P2RY14: variants seen among roughly 807,000 people sequenced by gnomAD.
P2RY14 encodes the protein purinergic receptor P2Y14, also known as P2Y purinoceptor 14.
A neutral mutation model predicts 0.9 loss-of-function variants in P2RY14; 2 were observed. The observed-to-expected ratio is 2.16, with a 90% confidence interval of 0.88 to 6.79. P2RY14 has a LOEUF of 6.79. P2RY14 is among the 30% of genes most tolerant of loss of function. P2RY14 has a pLI of 0.05. For synonymous variants in P2RY14, 158 were observed against 147.2 expected, an observed-to-expected ratio of 1.07 and a Z score of -0.53; for missense variants, 378 against 400.1, an observed-to-expected ratio of 0.94 and a Z score of 0.47.
At chr3:151,276,214 C>T (rs1741828100) in intron 1 of P2RY14, among the ~76,000 whole-genome samples, 1 of 152,226 alleles carries the variant, frequency 6.6e-6, no homozygotes, top group Non-Finnish European at 1.5e-5. Flanking sequence ...TGCTGGGCTC[C>T]ACCCCCATTG....
chr3:151,224,394 TACTG>T (rs1306409215), intron 1 of P2RY14, among the ~76,000 whole-genome samples: 1 of 152,218 alleles, frequency 6.6e-6, no homozygotes, highest in Non-Finnish European at 1.5e-5. Context: ...TTTTTAAACT[TACTG>T]AAGCCATTTT....
chr3:151,260,146 G>C (rs1404203863), intron 1 of P2RY14, among the ~76,000 whole-genome samples: 1 of 152,178 alleles, frequency 6.6e-6, no homozygotes, highest in Non-Finnish European at 1.5e-5. Flanking sequence ...TGTTTCAGTT[G>C]TGGAAAGAAT....
rs1727565544 is a variant in P2RY14, at chr3:151,213,549, G to A, written c.768C>T (p.Tyr256=). Residue 256 remains tyrosine, a synonymous_variant, in exon 3 of 3, where the codon TAC becomes TAT. Coordinates refer to ENST00000309170, the MANE Select transcript of P2RY14 (RefSeq NM_014879.4). ...AATGAGCTTCGGTCTGACTCTTTGTGTAGGGGATTCTGGCAATATGGTAAG... is the reference window on the plus strand; with the variant it reads ...AATGAGCTTCGGTCTGACTCTTTGTATAGGGGATTCTGGCAATATGGTAAG... The part of the protein sequence containing the change: ...FVPYHIARIP[Y]TKSQTEAHYS... 1.9e-6 allele frequency: 3 copies of A among 1,614,098 alleles called. No homozygotes were observed. The highest frequency in any genetic ancestry group is 2.7e-5 in the African/African-American group (2 of 74,940).
At chr3:151,238,170 G>A (rs1733322751) in intron 1 of P2RY14, among the ~76,000 whole-genome samples, 1 of 104,096 alleles carries the variant, frequency 9.6e-6, no homozygotes, top group Non-Finnish European at 2.0e-5. Flanking sequence ...TTCTTGAGAT[G>A]GAGTCTCGCT....
Position 151,224,202 on chromosome 3 carries a change from T to A in P2RY14, c.-132-4560A>T, listed in dbSNP as rs116320041. 6.2e-3 allele frequency among the ~76,000 whole-genome samples: 939 copies of A among 152,352 alleles called. 4 individuals carry two copies. Among genetic ancestry groups the A allele is most frequent in the Middle Eastern group, 0.017 (5 of 294 alleles). ...CACTTATGACGTGCATTTTTCTTCC[T>A]CTTCTTTTTTCAGTTCTTATAAAGG... On this transcript the variant is annotated intron_variant, in intron 1 of 2. Transcript: ENST00000309170.
intron 1 of P2RY14, among the ~76,000 whole-genome samples, chr3:151,276,165 T>A (rs190574167): frequency 6.6e-6 from 1 of 152,372 alleles, no homozygotes; most frequent in East Asian, 1.9e-4. Flanking sequence ...CAAAACTGAA[T>A]GTGCAACAGA....
chr3:151,221,783 A>G (rs9838709), intron 1 of P2RY14, among the ~76,000 whole-genome samples: 68,008 of 151,784 alleles, frequency 0.45, 16,769 homozygotes, highest in African/African-American at 0.68. Context: ...CTAGGGCAGT[A>G]TAGAAGGGAA....
At chr3:151,260,183 G>T (rs890306694) in intron 1 of P2RY14, among the ~76,000 whole-genome samples, 8 of 152,110 alleles carry the variant, frequency 5.3e-5, no homozygotes, top group African/African-American at 1.9e-4. Flanking sequence ...AATGGACACG[G>T]TGTTTAAAAA....
At chr3:151,233,887 A>G (rs1732221543) in intron 1 of P2RY14, among the ~76,000 whole-genome samples, 1 of 152,190 alleles carries the variant, frequency 6.6e-6, no homozygotes, top group African/African-American at 2.4e-5. Flanking sequence ...CCCTTTTAAA[A>G]CTAATGATTT....
At chr3:151,247,728 A>T (rs1425765179) in intron 1 of P2RY14, among the ~76,000 whole-genome samples, 15 of 148,654 alleles carry the variant, frequency 1.0e-4, no homozygotes, top group South Asian at 4.4e-4. Flanking sequence ...AACCTGCACA[A>T]TGTGCACATG....
At chr3:151,216,887 T>C (rs193258378) in intron 2 of P2RY14, among the ~76,000 whole-genome samples, 10 of 152,270 alleles carry the variant, frequency 6.6e-5, no homozygotes, top group Admixed American at 2.0e-4. Flanking sequence ...GTTAGATGCA[T>C]TTTGGTTTAA....
chr3:151,233,534 G>C (rs1258631842), intron 1 of P2RY14, among the ~76,000 whole-genome samples: 1 of 152,190 alleles, frequency 6.6e-6, no homozygotes, highest in African/African-American at 2.4e-5. Flanking sequence ...GGGAGTTTGA[G>C]ACCAGCCTGA....
chr3:151,260,407 T>G (rs1577156791), intron 1 of P2RY14, among the ~76,000 whole-genome samples: 1 of 152,148 alleles, frequency 6.6e-6, no homozygotes, highest in Non-Finnish European at 1.5e-5. Context: ...TGGAGTGAGG[T>G]GGCATGATAG....
At position 151,216,482 on chromosome 3, in the gene P2RY14, G is replaced by A. The variant is rs568888828; in HGVS notation, c.-24-2142C>T. 2.6e-5 allele frequency among the ~76,000 whole-genome samples: 4 copies of A among 152,324 alleles called. No individual in the cohort carries two copies. In the East Asian group the frequency reaches 5.8e-4, roughly 22 times the overall value. Reference sequence around the variant, plus strand: ...ATAGTACATCCATGTAAACTTGTGTGCTGCTTCCTACACAAGAATATCTTG... The same window carrying A: ...ATAGTACATCCATGTAAACTTGTGTACTGCTTCCTACACAAGAATATCTTG... On this transcript the variant is annotated intron_variant, in intron 2 of 2. Coordinates refer to ENST00000309170, the MANE Select transcript of P2RY14 (RefSeq NM_014879.4).
Position 151,257,532 on chromosome 3 carries a change from A to G in P2RY14, c.-133+20755T>C, listed in dbSNP as rs1357236843. On this transcript the variant is annotated intron_variant, in intron 1 of 2. Coordinates refer to ENST00000309170, the MANE Select transcript of P2RY14 (RefSeq NM_014879.4). ...TAGGAGAATCTGTACAAAAGTGATT[A>G]TAATATCTACTTCAGAATACTGTTG... Among the ~76,000 whole-genome samples the G allele has an allele frequency of 2.6e-5, 4 of 152,272 alleles. No homozygotes were observed. In the East Asian group the frequency reaches 7.7e-4, roughly 29 times the overall value.
intron 1 of P2RY14, among the ~76,000 whole-genome samples, chr3:151,268,139 A>G (rs781467616): frequency 2.0e-5 from 3 of 152,146 alleles, no homozygotes; most frequent in African/African-American, 7.2e-5. Flanking sequence ...CATGTTTTCA[A>G]TACAAAGCAT....
Position 151,214,329 on chromosome 3 carries a change from GA to G in P2RY14, c.-14del. ...TTGAATTGATCATCTTGTAACTTCT[GA>G]AGGCAGAGGCCTGAAAAGAGGTGTG... is the stretch of plus-strand genomic sequence containing the variant. On this transcript the variant is annotated 5_prime_UTR_variant, in exon 3 of 3. Transcript: ENST00000309170. 1 of 1,607,102 alleles carries G rather than the reference GA, an allele frequency of 6.2e-7. No homozygotes were observed. The highest frequency in any genetic ancestry group is 8.5e-7 in the Non-Finnish European group (1 of 1,176,374).
At chr3:151,266,207 T>A (rs764639433) in intron 1 of P2RY14, among the ~76,000 whole-genome samples, 2 of 152,354 alleles carry the variant, frequency 1.3e-5, no homozygotes, top group South Asian at 4.1e-4. Flanking sequence ...TCATCTGATT[T>A]CTGTTAAATA....
At chr3:151,239,385 G>C (rs1466302156) in intron 1 of P2RY14, among the ~76,000 whole-genome samples, 1 of 152,202 alleles carries the variant, frequency 6.6e-6, no homozygotes, top group South Asian at 2.1e-4. Flanking sequence ...TTATTTATCT[G>C]TATGGGATTG....
Sources: gnomAD v4.1 joint callset for allele counts (sites outside exome capture counted in the v4.1 genomes callset) on GRCh38, gnomAD v4.1.1 for gene constraint, MANE v1.5 for transcripts, NCBI Gene and HGNC (gene_info 2026-07-23, HGNC 2026-07-21) for gene names.